The following CMPK2 variants were observed in gnomAD, a reference collection of about 807,000 sequenced individuals.
CMPK2 encodes UMP-CMP kinase 2, mitochondrial.
In CMPK2, 32 loss-of-function variants were observed where a neutral mutation model predicts 33.4. The observed-to-expected ratio is 0.96, with a 90% confidence interval of 0.72 to 1.29. The LOEUF (loss-of-function observed/expected upper bound fraction) is 1.29, where lower values mean the gene tolerates loss of function less well. Among genes scored for constraint, CMPK2 ranks in the 50% most tolerant of loss-of-function variants. The pLI, the probability that CMPK2 is intolerant of heterozygous loss-of-function variation, is 0.00. For missense variants in CMPK2, 672 were observed against 616.0 expected, an observed-to-expected ratio of 1.09 and a Z score of -0.96; for synonymous variants, 299 against 275.3, an observed-to-expected ratio of 1.09 and a Z score of -0.85.
chr2:6,864,582 A>G (rs1662993639), intron 1 of CMPK2: 2 of 155,938 alleles, frequency 1.3e-5, no homozygotes, highest in Admixed American at 1.3e-4. Flanking sequence ...TAACCTGCAC[A>G]AGGTTCATGG....
At chr2:6,854,694 A>G (rs890118931) in intron 3 of CMPK2, among the ~76,000 whole-genome samples, 1 of 152,208 alleles carries the variant, frequency 6.6e-6, no homozygotes, top group Non-Finnish European at 1.5e-5. Flanking sequence ...GGGAAGCCAC[A>G]TTAGTTCAAA....
At chr2:6,856,689 C>T (rs749744109) in intron 3 of CMPK2, among the ~76,000 whole-genome samples, 2 of 152,220 alleles carry the variant, frequency 1.3e-5, no homozygotes, top group Non-Finnish European at 2.9e-5. Flanking sequence ...GAACAACTTT[C>T]TTAAATCTGC....
chr2:6,865,422 G>A lies in CMPK2; in HGVS notation c.275C>T (p.Ala92Val). 1 of 1,315,938 alleles carries A rather than the reference G, an allele frequency of 7.6e-7. No homozygotes were observed. Among genetic ancestry groups the A allele is most frequent in the South Asian group, 2.2e-5 (1 of 45,652 alleles). The allele number at this position is 1,315,938 out of a possible 1,614,324, so 81.5% of individuals were successfully genotyped here. A position where few individuals can be genotyped will look rare whatever the true frequency, so the allele number is the denominator to read the frequency against. ...GTGCAGCAGGCGCTGGTGCAGCCGCGCCGCCCGGACCCGGGCCCCGCAGCC... is the reference window on the plus strand; with the variant it reads ...GTGCAGCAGGCGCTGGTGCAGCCGCACCGCCCGGACCCGGGCCCCGCAGCC... ...DAGCGARVRA[A>V]RLHQRLLHQL... Residue 92 changes from alanine to valine, a missense_variant, in exon 1 of 5, where the codon GCG becomes GTG. By Grantham distance (64) the Ala-to-Val change is moderately conservative (BLOSUM62 0). Transcript: ENST00000256722.
In CMPK2 at chr2:6,865,658, C is replaced by T; in HGVS notation, c.39G>A (p.Ser13=). 1.5e-6 allele frequency: 2 copies of T among 1,321,644 alleles called. No individual in the cohort carries two copies. The highest frequency in any genetic ancestry group is 2.1e-5 in the South Asian group (1 of 47,342). The allele number at this position is 1,321,644 out of a possible 1,614,324, so 81.9% of individuals were successfully genotyped here. The change falls in exon 1 of 5, where the codon TCG becomes TCA. Residue 13 remains serine (S), a synonymous_variant. Coordinates refer to ENST00000256722, the MANE Select transcript of CMPK2 (RefSeq NM_207315.4). ...FARRLLRGPL[S]GPLLGRRGVC... ...CCCCGCGCCGCCCGAGCAGCGGCCC[C>T]GACAGTGGCCCGCGCAGGAGCCGGC... is the stretch of plus-strand genomic sequence containing the variant.
upstream of CMPK2, chr2:6,865,913 A>C: frequency 7.1e-7 from 1 of 1,408,008 alleles, no homozygotes; most frequent in Non-Finnish European, 9.3e-7. Flanking sequence ...GATGTGCGCG[A>C]TAAACGGCCG....
chr2:6,848,683 A>G lies in CMPK2; in HGVS notation c.*1167T>C. On this transcript the variant is annotated 3_prime_UTR_variant, in exon 5 of 5. Transcript: ENST00000256722. ...TTCTTAAGAAATGGTAGATAGGATA[A>G]AATAATTTACAGATTTATCTGCCTT... 1.0e-6 allele frequency: 1 copy of G among 984,386 alleles called. No individual in the cohort carries two copies. Among genetic ancestry groups the G allele is most frequent in the Non-Finnish European group, 1.2e-6 (1 of 828,572 alleles). 61.0% of individuals were successfully genotyped at this position (984,386 alleles called of 1,614,324 possible).
At chr2:6,857,310 T>G (rs997735295) in intron 3 of CMPK2, among the ~76,000 whole-genome samples, 1 of 151,246 alleles carries the variant, frequency 6.6e-6, no homozygotes, top group Non-Finnish European at 1.5e-5. Flanking sequence ...CTTTTTTGTT[T>G]TTTGTTTTAT....
At chr2:6,845,994 A>G (rs577199798), downstream of CMPK2, among the ~76,000 whole-genome samples, 61 of 152,178 alleles carry the variant, frequency 4.0e-4, 1 homozygote, top group South Asian at 7.7e-3. Context: ...CAAATAGGAC[A>G]TGGGCTCTGA....
chr2:6,859,152 T>C (rs1473232433), intron 3 of CMPK2, among the ~76,000 whole-genome samples: 1 of 152,138 alleles, frequency 6.6e-6, no homozygotes, highest in Non-Finnish European at 1.5e-5. Context: ...TAATTTAGGG[T>C]AACTGGTGGA....
chr2:6,851,271 G>T, intron 4 of CMPK2, 179 bp downstream of exon 4: 1 of 1,432,788 alleles, frequency 7.0e-7, no homozygotes, highest in Non-Finnish European at 9.2e-7. Flanking sequence ...AGATAACAAT[G>T]CTGCAGCCCT....
chr2:6,851,387 C>A, intron 4 of CMPK2, 63 bp downstream of exon 4: 1 of 1,607,402 alleles, frequency 6.2e-7, no homozygotes, highest in Admixed American at 1.7e-5. Flanking sequence ...AAAGCCAGTG[C>A]CAGTGGTTCA....
Position 6,849,204 on chromosome 2 carries a change from A to G in CMPK2, c.*646T>C, listed in dbSNP as rs1457048240. On this transcript the variant is annotated 3_prime_UTR_variant, in exon 5 of 5. Transcript: ENST00000256722. Reference sequence around the variant, plus strand: ...CATCTTGGCTTGAATGTCTTTATATATGACTCAGAAGCCTATCAAAAGGGC... The same window carrying G: ...CATCTTGGCTTGAATGTCTTTATATGTGACTCAGAAGCCTATCAAAAGGGC... The G allele has an allele frequency of 1.0e-6, 1 of 985,330 alleles. No homozygotes were observed. Among genetic ancestry groups the G allele is most frequent in the Non-Finnish European group, 1.2e-6 (1 of 829,930 alleles). The allele number at this position is 985,330 out of a possible 1,614,324, so 61.0% of individuals were successfully genotyped here. A position where few individuals can be genotyped will look rare whatever the true frequency, so the allele number is the denominator to read the frequency against.
downstream of CMPK2, among the ~76,000 whole-genome samples, chr2:6,847,062 C>G (rs919414504): frequency 3.3e-5 from 5 of 152,102 alleles, no homozygotes; most frequent in Non-Finnish European, 7.4e-5. Flanking sequence ...GAAGGGGGAG[C>G]TCTAATGGGG....
chr2:6,865,172 G>C lies in CMPK2; in HGVS notation c.525C>G (p.Arg175=). 6.5e-7 allele frequency: 1 copy of C among 1,535,644 alleles called. No individual in the cohort carries two copies. Among genetic ancestry groups the C allele is most frequent in the Non-Finnish European group, 8.7e-7 (1 of 1,143,460 alleles). Residue 175 remains arginine, a synonymous_variant, in exon 1 of 5, where the codon CGC becomes CGG. Transcript: ENST00000256722. ...GCCTGCCGTCTTGCACCTCCCAGAG[G>C]CGCTGCCACAGCTGGCCGCGCGGGT... The part of the protein sequence containing the change: ...EADPRGQLWQ[R]LWEVQDGRRL...
chr2:6,863,979 G>A (rs889175468), intron 1 of CMPK2, among the ~76,000 whole-genome samples: 10 of 152,330 alleles, frequency 6.6e-5, no homozygotes, highest in Non-Finnish European at 4.4e-5. Flanking sequence ...TCTGCAGCAT[G>A]TCCTCTCCTA....
chr2:6,865,269 C>A lies in CMPK2; in HGVS notation c.428G>T (p.Arg143Leu). ...GCCCAGCAGCTCGAGCAGCGCTTGC[C>A]GGGTGTCAGGGTCATCCAGGGGGTC... ...LRDPLDDPDT[R>L]QALLELLGAC... The change falls in exon 1 of 5, where the codon CGG (arginine) becomes CTG (leucine). Residue 143 changes from arginine to leucine, a missense_variant. Physicochemically the swap from Arg to Leu is moderately radical, Grantham distance 102 (BLOSUM62 -2). Coordinates refer to ENST00000256722, the MANE Select transcript of CMPK2 (RefSeq NM_207315.4). The A allele has an allele frequency of 1.3e-6, 2 of 1,537,348 alleles. No individual in the cohort carries two copies. Among genetic ancestry groups the A allele is most frequent in the Non-Finnish European group, 1.7e-6 (2 of 1,150,090 alleles).
Position 6,865,003 on chromosome 2 carries a change from A to T in CMPK2, c.675+19T>A, listed in dbSNP as rs1486364661. On this transcript the variant is annotated intron_variant, in intron 1 of 4. Coordinates refer to ENST00000256722, the MANE Select transcript of CMPK2 (RefSeq NM_207315.4). ...GTTCAGATGCCACGCTGGGAGCTGG[A>T]AGCGGACAGAACTCTTACCTCCTCC... 1.5e-5 allele frequency: 21 copies of T among 1,403,152 alleles called. No homozygotes were observed. Among genetic ancestry groups the T allele is most frequent in the Non-Finnish European group, 2.0e-5 (21 of 1,076,476 alleles). 86.9% of individuals were successfully genotyped at this position (1,403,152 alleles called of 1,614,324 possible).
At chr2:6,861,652 G>A (rs547530732) in intron 2 of CMPK2, among the ~76,000 whole-genome samples, 9 of 152,202 alleles carry the variant, frequency 5.9e-5, no homozygotes, top group South Asian at 2.1e-4. Context: ...TTTTATTCCC[G>A]GCAGCCCAGC....
In CMPK2 at chr2:6,842,480, G is replaced by A. The variant is rs567577146; in HGVS notation, c.993-1802C>T. 6.6e-5 allele frequency among the ~76,000 whole-genome samples: 10 copies of A among 152,280 alleles called. No individual in the cohort carries two copies. In the East Asian group the frequency reaches 1.9e-3, roughly 29 times the overall value. ...CACTGCAACTGTTCAGAGGCAAGCTGGCCATCCTTTAGCCATCAAGTCAAG... is the reference window on the plus strand; with the variant it reads ...CACTGCAACTGTTCAGAGGCAAGCTAGCCATCCTTTAGCCATCAAGTCAAG... On this transcript the variant is annotated intron_variant, in intron 3 of 3. Transcript: ENST00000458098.
Sources: allele counts gnomAD v4.1 joint callset (sites outside exome capture counted in the v4.1 genomes callset), GRCh38; gene constraint gnomAD v4.1.1; transcripts MANE v1.5; gene names NCBI Gene and HGNC (gene_info 2026-07-23, HGNC 2026-07-21).